Variants in USP34 observed in about 807,000 individuals in gnomAD.
USP34 encodes the protein ubiquitin specific peptidase 34.
USP34 carries 70 observed loss-of-function variants against 460.3 expected under a neutral mutation model. The observed-to-expected ratio is 0.15, with a 90% CI of 0.13 to 0.19. The LOEUF (loss-of-function observed/expected upper bound fraction) is 0.19. Among genes scored for constraint, USP34 ranks in the 10% least tolerant of loss-of-function variants. The pLI is 1.00. For missense variants in USP34, 3,985 were observed against 4,236.2 expected, an observed-to-expected ratio of 0.94 and a Z score of 1.65; for synonymous variants, 1,647 against 1,405.3, an observed-to-expected ratio of 1.17 and a Z score of -3.85.
At chr2:61,344,051 A>G (rs1217285495) in intron 15 of USP34, 22 bp from the exon 16 acceptor site, 2 of 1,603,646 alleles carry the variant, frequency 1.2e-6, no homozygotes, top group Non-Finnish European at 1.7e-6. Context: ...AGAAAAGCAC[A>G]AAGTTAGTAA....
intron 18 of USP34, among the ~76,000 whole-genome samples, chr2:61,336,535 T>C (rs972433495): frequency 6.8e-6 from 1 of 147,312 alleles, no homozygotes; most frequent in South Asian, 2.1e-4. Flanking sequence ...TCAAGCTGGG[T>C]GCAGTGGCTC....
At chr2:61,460,598 G>A (rs1442446374) in intron 1 of USP34, among the ~76,000 whole-genome samples, 4 of 152,154 alleles carry the variant, frequency 2.6e-5, no homozygotes, top group African/African-American at 9.7e-5. Flanking sequence ...GTATCCACTG[G>A]AAGTCTCAGA....
chr2:61,356,825 C>T (rs974701100), intron 10 of USP34, among the ~76,000 whole-genome samples: 1 of 152,126 alleles, frequency 6.6e-6, no homozygotes, highest in African/African-American at 2.4e-5. Context: ...CATTAGTGAA[C>T]TACACACTTA....
intron 1 of USP34, among the ~76,000 whole-genome samples, chr2:61,446,113 C>CAAAAAAA (rs35776849): frequency 2.3e-5 from 2 of 87,250 alleles, no homozygotes; most frequent in Non-Finnish European, 4.3e-5. Context: ...GACTCTGTCT[C>CAAAAAAA]AAAAAAAAAA....
In USP34 at chr2:61,307,973, C is replaced by T. The variant is rs539666801; in HGVS notation, c.3817+3567G>A. Among the ~76,000 whole-genome samples the T allele has an allele frequency of 2.6e-5, 4 of 152,026 alleles. No individual in the cohort carries two copies. The South Asian group carries it at 6.2e-4, about 24-fold the overall frequency. ...CTCAGGTGGCAGGATCACCTGAGAA[C>T]GGGAGGTTAAGGCTGTGGTGAACTG... On this transcript the variant is annotated intron_variant, in intron 27 of 79. Transcript: ENST00000398571.
chr2:61,355,475 G>C (rs1250035194), intron 10 of USP34, among the ~76,000 whole-genome samples: 2 of 152,186 alleles, frequency 1.3e-5, no homozygotes, highest in African/African-American at 2.4e-5. Flanking sequence ...GTCATTAGGA[G>C]CAGAGTTTTT....
chr2:61,256,813 C>T, intron 47 of USP34, 60 bp downstream of exon 47: 1 of 1,298,532 alleles, frequency 7.7e-7, no homozygotes, highest in Admixed American at 2.5e-5. Context: ...CCAACACAAA[C>T]CCGCTATACA....
chr2:61,266,134 A>G lies in USP34; in HGVS notation c.5467T>C (p.Leu1823=), dbSNP rs760118958. The change falls in exon 42 of 80, where the codon TTG becomes CTG. Residue 1823 remains leucine (L), a synonymous_variant. Coordinates refer to ENST00000398571, the MANE Select transcript of USP34 (RefSeq NM_014709.4). ...FLRDIFNLLF[L]LPSLKDRQQP... ...TGTCGGTCCTTTAGACTTGGCAACA[A>G]AAACAGGAGATTGAAGATATCTCTC... 1.2e-6 allele frequency: 2 copies of G among 1,612,662 alleles called. No homozygotes were observed. The highest frequency in any genetic ancestry group is 1.7e-6 in the Non-Finnish European group (2 of 1,178,836).
intron 1 of USP34, among the ~76,000 whole-genome samples, chr2:61,454,753 T>C (rs1695382733): frequency 6.6e-6 from 1 of 151,802 alleles, no homozygotes; most frequent in Non-Finnish European, 1.5e-5. Flanking sequence ...TTCACCATGT[T>C]GACCAGGCTG....
chr2:61,326,235 T>A (rs1384160307), intron 20 of USP34, among the ~76,000 whole-genome samples: 1 of 151,850 alleles, frequency 6.6e-6, no homozygotes, highest in Non-Finnish European at 1.5e-5. Context: ...GGGGGCAGAG[T>A]CTCACTCTGT....
chr2:61,396,194 T>C (rs1023445024), intron 3 of USP34, among the ~76,000 whole-genome samples: 21 of 152,166 alleles, frequency 1.4e-4, no homozygotes, highest in African/African-American at 4.8e-4. Flanking sequence ...TCCCTAGAGG[T>C]ATACTGAAGA....
rs763146005 is a variant in USP34 at position 61,295,255 on chromosome 2, T to C, written c.4290A>G (p.Lys1430=). Residue 1430 remains lysine, a synonymous_variant, in exon 31 of 80, where the codon AAA becomes AAG. Transcript: ENST00000398571. ...NDGFNWKELL[K]IKSAHKLLYA... is the part of the protein sequence containing the mutation. ...ACAATAGCTTGTGGGCGCTCTTAAT[T>C]TTGAGAAGTTCTTTCCAATTAAATC... 1.2e-6 allele frequency: 2 copies of C among 1,607,884 alleles called. No homozygotes were observed. The highest frequency in any genetic ancestry group is 2.7e-5 in the African/African-American group (2 of 74,722).
intron 72 of USP34, 132 bp downstream of exon 72, chr2:61,205,885 T>C: frequency 1.6e-6 from 1 of 626,492 alleles, no homozygotes; most frequent in Non-Finnish European, 2.8e-6. Flanking sequence ...TCTTAGGACC[T>C]GCTAGCTAGT....
At chr2:61,403,966 C>A (rs1693793697) in intron 3 of USP34, among the ~76,000 whole-genome samples, 1 of 122,530 alleles carries the variant, frequency 8.2e-6, no homozygotes, top group Non-Finnish European at 1.6e-5. Context: ...GCACTCCAGC[C>A]TGGGCGACAG....
intron 1 of USP34, among the ~76,000 whole-genome samples, chr2:61,460,615 T>A (rs1695570497): frequency 6.7e-6 from 1 of 150,078 alleles, no homozygotes; most frequent in African/African-American, 2.5e-5. Flanking sequence ...CAGAACACAT[T>A]CCACTTGGAT....
At chr2:61,398,282 G>A (rs1693598744) in intron 3 of USP34, among the ~76,000 whole-genome samples, 1 of 152,022 alleles carries the variant, frequency 6.6e-6, no homozygotes, top group Non-Finnish European at 1.5e-5. Context: ...CGGGAGGATT[G>A]CATGAACTTG....
At chr2:61,330,460 T>C (rs1691227120) in intron 20 of USP34, among the ~76,000 whole-genome samples, 4 of 152,182 alleles carry the variant, frequency 2.6e-5, no homozygotes, top group Admixed American at 2.6e-4. Context: ...GGGAAATAAG[T>C]AAATTTATTT....
At chr2:61,390,576 G>C (rs1367712775) in intron 5 of USP34, among the ~76,000 whole-genome samples, 1 of 152,224 alleles carries the variant, frequency 6.6e-6, no homozygotes, top group Non-Finnish European at 1.5e-5. Context: ...TGTGCAAACT[G>C]AGAAATCTCC....
chr2:61,319,122 T>A (rs755877133), intron 22 of USP34, 51 bp downstream of exon 22: 2 of 1,494,506 alleles, frequency 1.3e-6, no homozygotes, highest in Non-Finnish European at 1.8e-6. Context: ...TTTCAAGAGA[T>A]GAAAAAGGGA....
Sources: allele counts gnomAD v4.1 joint callset (sites outside exome capture counted in the v4.1 genomes callset), GRCh38; gene constraint gnomAD v4.1.1; transcripts MANE v1.5; gene names NCBI Gene and HGNC (gene_info 2026-07-23, HGNC 2026-07-21).